TM2D3: variants seen among roughly 807,000 people sequenced by gnomAD.
TM2D3 encodes the protein TM2 domain containing 3.
Under a neutral mutation model 27.3 loss-of-function variants are expected in TM2D3, and 33 were observed. The ratio of observed to expected loss-of-function variants is 1.21; its 90% CI spans 0.92 to 1.61. The LOEUF (loss-of-function observed/expected upper bound fraction) is 1.61. Among genes scored for constraint, TM2D3 ranks in the 40% most tolerant of loss-of-function variants. TM2D3 has a pLI of 0.00. For synonymous variants in TM2D3, 138 were observed against 122.2 expected, an observed-to-expected ratio of 1.13 and a Z score of -0.85; for missense variants, 364 against 320.8, an observed-to-expected ratio of 1.13 and a Z score of -1.03.
intron 4 of TM2D3, chr15:101,633,906 A>G: frequency 2.1e-6 from 1 of 466,510 alleles, no homozygotes; most frequent in Non-Finnish European, 3.7e-6. Flanking sequence ...CATTGGGATT[A>G]CCTGACAAGA....
chr15:101,637,874 T>C (rs1334535293), downstream of TM2D3, among the ~76,000 whole-genome samples: 1 of 152,252 alleles, frequency 6.6e-6, no homozygotes, highest in East Asian at 1.9e-4. Flanking sequence ...TCATAATATG[T>C]GAACAAATTC....
At chr15:101,650,931 G>A (rs1212451647) in intron 2 of TM2D3, 1 of 152,172 alleles carries the variant, frequency 6.6e-6, no homozygotes, top group Non-Finnish European at 1.5e-5. Context: ...TAAAATTCAA[G>A]TGCACTGCTG....
chr15:101,637,675 G>A (rs1243780143), downstream of TM2D3, among the ~76,000 whole-genome samples: 2 of 152,144 alleles, frequency 1.3e-5, no homozygotes, highest in Admixed American at 1.3e-4. Flanking sequence ...CACCTCCTGG[G>A]CTCAAAGATC....
At chr15:101,634,734 A>G (rs1435637792) in intron 4 of TM2D3, 1 of 152,224 alleles carries the variant, frequency 6.6e-6, no homozygotes, top group African/African-American at 2.4e-5. Flanking sequence ...AAATAATACA[A>G]ATTTTATTCT....
downstream of TM2D3, among the ~76,000 whole-genome samples, chr15:101,640,780 C>T (rs1013280757): frequency 6.6e-6 from 1 of 152,238 alleles, no homozygotes; most frequent in Admixed American, 6.5e-5. Context: ...TGGCTTACAT[C>T]CTTCAGGTTC....
At chr15:101,645,776 T>G (rs1314649461) in intron 4 of TM2D3, 1 of 151,940 alleles carries the variant, frequency 6.6e-6, no homozygotes, top group Non-Finnish European at 1.5e-5. Flanking sequence ...AGTAATTATA[T>G]TTTTAAAGTT....
chr15:101,651,522 A>C, intron 2 of TM2D3, 174 bp downstream of exon 2: 1 of 603,804 alleles, frequency 1.7e-6, no homozygotes, highest in Admixed American at 3.1e-5. Context: ...TATAAATACG[A>C]AGACTATCTA....
At chr15:101,640,734 G>A (rs540282640), downstream of TM2D3, among the ~76,000 whole-genome samples, 98 of 152,366 alleles carry the variant, frequency 6.4e-4, no homozygotes, top group Non-Finnish European at 1.2e-4. Flanking sequence ...CAGGCCATCA[G>A]CTCTATCAAA....
Position 101,642,574 on chromosome 15 carries a change from A to G in TM2D3, c.649T>C (p.Phe217Leu). Reference sequence around the variant, plus strand: ...CATATTCCCAGGCCACCGAAGCTGAAGAGCTTGCCGAGGCCTTCCCGCCAC... The same window carrying G: ...CATATTCCCAGGCCACCGAAGCTGAGGAGCTTGCCGAGGCCTTCCCGCCAC... ...GQWREGLGKL[F>L]SFGGLGIWTL... Residue 217 changes from phenylalanine (F) to leucine (L), a missense_variant, in exon 6 of 6, where the codon TTC (phenylalanine) becomes CTC (leucine). Phe to Leu is a conservative substitution (Grantham distance 22). Coordinates refer to ENST00000333202, the MANE Select transcript of TM2D3 (RefSeq NM_078474.3). 1.2e-6 allele frequency: 2 copies of G among 1,612,834 alleles called. No individual in the cohort carries two copies. The highest frequency in any genetic ancestry group is 1.7e-6 in the Non-Finnish European group (2 of 1,179,788).
chr15:101,651,882 G>A, intron 1 of TM2D3, 109 bp from the exon 2 acceptor site: 3 of 1,113,094 alleles, frequency 2.7e-6, no homozygotes, highest in Non-Finnish European at 4.1e-6. Context: ...AGCTGCTCAT[G>A]AAAACCTCAC....
At chr15:101,634,584 A>G (rs1001914428) in intron 4 of TM2D3, 13 of 152,238 alleles carry the variant, frequency 8.5e-5, no homozygotes, top group African/African-American at 3.1e-4. Context: ...AATACTATCA[A>G]GCAAATTGAC....
chr15:101,648,419 T>C (rs1007668197), intron 3 of TM2D3: 4 of 152,324 alleles, frequency 2.6e-5, no homozygotes, highest in South Asian at 2.1e-4. Context: ...AAATAATACG[T>C]TTACATCTGC....
intron 4 of TM2D3, chr15:101,645,505 T>C (rs745957849): frequency 2.6e-5 from 7 of 265,586 alleles, no homozygotes; most frequent in Admixed American, 5.3e-5. Flanking sequence ...AAACACTTCA[T>C]GTATGAGTGT....
intron 1 of TM2D3, 156 bp downstream of exon 1, chr15:101,652,115 G>A: frequency 1.5e-6 from 1 of 678,610 alleles, no homozygotes; most frequent in South Asian, 2.1e-5. Flanking sequence ...GGGCGGCCAG[G>A]GCGCCAGACT....
chr15:101,647,022 A>C, intron 3 of TM2D3, 123 bp from the exon 4 acceptor site: 1 of 973,418 alleles, frequency 1.0e-6, no homozygotes, highest in South Asian at 1.6e-5. Flanking sequence ...CCTAGGAGTA[A>C]GTGCCAGAAA....
intron 4 of TM2D3, chr15:101,646,385 A>G (rs530556542): frequency 5.5e-5 from 6 of 108,814 alleles, no homozygotes; most frequent in Middle Eastern, 3.1e-3. Context: ...AGAGGAGGAA[A>G]GGCAACCAGG....
intron 1 of TM2D3, 128 bp downstream of exon 1, chr15:101,652,143 C>G (rs889051297): frequency 4.7e-5 from 42 of 896,438 alleles, no homozygotes; most frequent in Non-Finnish European, 7.2e-5. Context: ...CAGCGACAAG[C>G]GGCCCGGAGC....
chr15:101,645,396 G>C, intron 4 of TM2D3: 1 of 533,886 alleles, frequency 1.9e-6, no homozygotes, highest in East Asian at 3.2e-5. Context: ...CACATATCAA[G>C]ACCTACGGGG....
intron 5 of TM2D3, 45 bp downstream of exon 5, chr15:101,645,042 A>G (rs1414184217): frequency 1.3e-6 from 2 of 1,552,786 alleles, no homozygotes; most frequent in South Asian, 2.3e-5. Context: ...ACCAATCCCA[A>G]AGAAATGCAA....
Sources: allele counts gnomAD v4.1 joint callset (sites outside exome capture counted in the v4.1 genomes callset), GRCh38; gene constraint gnomAD v4.1.1; transcripts MANE v1.5; gene names NCBI Gene and HGNC (gene_info 2026-07-23, HGNC 2026-07-21).